The following PARD3B variants were observed in gnomAD, a reference collection of about 807,000 sequenced individuals.
The protein encoded by PARD3B is partitioning defective 3 homolog B.
Under a neutral mutation model 130.2 loss-of-function variants are expected in PARD3B, and 103 were observed. That is an observed-to-expected ratio of 0.79 (90% confidence interval 0.67 to 0.93). The LOEUF (loss-of-function observed/expected upper bound fraction) is 0.93, where lower values mean the gene tolerates loss of function less well. Ranked by LOEUF, PARD3B falls within the 40% of genes least tolerant of loss-of-function variation. PARD3B has a pLI of 0.00. For synonymous variants in PARD3B, 583 were observed against 553.2 expected (o/e 1.05, Z -0.76); for missense variants, 1,609 against 1,499.2 (o/e 1.07, Z -1.21).
At chr2:204,797,011 C>G (rs545110192) in intron 2 of PARD3B, among the ~76,000 whole-genome samples, 3 of 151,878 alleles carry the variant, frequency 2.0e-5, no homozygotes, top group African/African-American at 7.2e-5. Flanking sequence ...CTCGCCTCTA[C>G]TAAAAATACA....
At chr2:205,204,993 A>G (rs1309753827) in intron 15 of PARD3B, among the ~76,000 whole-genome samples, 2 of 152,102 alleles carry the variant, frequency 1.3e-5, no homozygotes, top group Admixed American at 6.6e-5. Context: ...AAGAAAGTCA[A>G]TGGTAGCTTG....
At chr2:204,921,824 A>C (rs2047691636) in intron 2 of PARD3B, among the ~76,000 whole-genome samples, 1 of 152,134 alleles carries the variant, frequency 6.6e-6, no homozygotes, top group South Asian at 2.1e-4. Flanking sequence ...CTATTGCAAT[A>C]AGTCAGATAA....
intron 2 of PARD3B, among the ~76,000 whole-genome samples, chr2:204,929,975 G>A (rs1172404309): frequency 6.6e-6 from 1 of 151,822 alleles, no homozygotes; most frequent in Non-Finnish European, 1.5e-5. Flanking sequence ...CTATTTACTT[G>A]TAGTCTAAGT....
chr2:205,528,524 G>A (rs577595676), intron 21 of PARD3B, among the ~76,000 whole-genome samples: 6 of 149,064 alleles, frequency 4.0e-5, no homozygotes, highest in Non-Finnish European at 8.9e-5. Context: ...ACAGAGTCTT[G>A]CTCTGTTGCC....
intron 20 of PARD3B, among the ~76,000 whole-genome samples, chr2:205,493,389 G>A (rs1364003044): frequency 1.3e-5 from 2 of 152,080 alleles, no homozygotes; most frequent in Non-Finnish European, 2.9e-5. Context: ...AGGGTACCAA[G>A]GTGTTTTTCT....
At chr2:205,346,818 A>G (rs1354043859) in intron 18 of PARD3B, among the ~76,000 whole-genome samples, 3 of 152,154 alleles carry the variant, frequency 2.0e-5, no homozygotes, top group Non-Finnish European at 4.4e-5. Context: ...AGGAATGACT[A>G]TGTGTTGATG....
At chr2:205,424,311 A>T (rs1007166317) in intron 19 of PARD3B, among the ~76,000 whole-genome samples, 1 of 152,092 alleles carries the variant, frequency 6.6e-6, no homozygotes, top group African/African-American at 2.4e-5. Flanking sequence ...AGGTATAGTC[A>T]TGGTTCTATA....
At chr2:204,639,858 G>A (rs1389939597) in intron 1 of PARD3B, among the ~76,000 whole-genome samples, 3 of 152,152 alleles carry the variant, frequency 2.0e-5, no homozygotes, top group Non-Finnish European at 2.9e-5. Context: ...GCTTGGTGAT[G>A]TATTCCCTGA....
At chr2:205,028,531 G>A (rs1697194209) in intron 3 of PARD3B, among the ~76,000 whole-genome samples, 1 of 152,074 alleles carries the variant, frequency 6.6e-6, no homozygotes, top group Non-Finnish European at 1.5e-5. Flanking sequence ...GTTAACAGGA[G>A]CAGACTCATA....
At chr2:205,001,199 G>A (rs1329054479) in intron 3 of PARD3B, among the ~76,000 whole-genome samples, 4 of 152,076 alleles carry the variant, frequency 2.6e-5, no homozygotes, top group African/African-American at 9.7e-5. Flanking sequence ...ATGTTGGCCA[G>A]GCTGGTCTCG....
In PARD3B at chr2:204,998,338, ATATATATATATATATATATATGTG is replaced by A. The variant is rs1390742336; in HGVS notation, c.394+33017_394+33040del. On this transcript the variant is annotated intron_variant, in intron 3 of 22. Coordinates refer to ENST00000406610, the MANE Select transcript of PARD3B (RefSeq NM_001302769.2). ...TATATATATATATATATATATATAT[ATATATATATATATATATATATGTG>A]TGTGTGTGTGTGTATATATGTGTGT... is the stretch of plus-strand genomic sequence containing the variant. 3.1e-4 allele frequency among the ~76,000 whole-genome samples: 22 copies of A among 70,988 alleles called. 1 individual carries two copies. Among genetic ancestry groups the A allele is most frequent in the African/African-American group, 1.1e-3 (16 of 14,812 alleles). 46.6% of individuals were successfully genotyped at this position (70,988 alleles called of 152,430 possible). A position where few individuals can be genotyped will look rare whatever the true frequency, so the allele number is the denominator to read the frequency against.
chr2:205,040,835 G>C (rs919339399), intron 3 of PARD3B, among the ~76,000 whole-genome samples: 1 of 151,196 alleles, frequency 6.6e-6, no homozygotes, highest in Non-Finnish European at 1.5e-5. Flanking sequence ...TCTTCAAACT[G>C]TCCAACTGTT....
intron 4 of PARD3B, among the ~76,000 whole-genome samples, chr2:205,085,033 C>A (rs979664840): frequency 6.6e-6 from 1 of 151,940 alleles, no homozygotes; most frequent in African/African-American, 2.4e-5. Context: ...TAGTAGCTGG[C>A]AGTTATTGAG....
chr2:204,599,402 A>AT (rs1356053619), intron 1 of PARD3B, among the ~76,000 whole-genome samples: 1 of 151,738 alleles, frequency 6.6e-6, no homozygotes, highest in African/African-American at 2.4e-5. Flanking sequence ...TGAGATCACC[A>AT]TTTTTTAGCT....
intron 21 of PARD3B, among the ~76,000 whole-genome samples, chr2:205,511,683 AAAAT>A (rs1336177736): frequency 2.0e-5 from 3 of 152,242 alleles, no homozygotes; most frequent in Non-Finnish European, 4.4e-5. Flanking sequence ...TAAATGTTCT[AAAAT>A]AAACTTTGGG....
intron 21 of PARD3B, among the ~76,000 whole-genome samples, chr2:205,529,213 G>C (rs2051473154): frequency 6.6e-6 from 1 of 152,152 alleles, no homozygotes; most frequent in African/African-American, 2.4e-5. Flanking sequence ...GAAAATAGCT[G>C]ACAGCATTGT....
chr2:205,428,583 C>G (rs2047223724), intron 19 of PARD3B, among the ~76,000 whole-genome samples: 2 of 151,924 alleles, frequency 1.3e-5, no homozygotes, highest in Non-Finnish European at 2.9e-5. Flanking sequence ...GGCTTCCAGT[C>G]TATTTTATTA....
At chr2:205,464,339 C>T (rs58528910) in intron 20 of PARD3B, among the ~76,000 whole-genome samples, 2,499 of 152,206 alleles carry the variant, frequency 0.016, 66 homozygotes, top group African/African-American at 0.056. Context: ...GACTAGGAAA[C>T]GCTCTTTTTA....
At chr2:204,899,994 T>C (rs184777074) in intron 2 of PARD3B, among the ~76,000 whole-genome samples, 3 of 152,260 alleles carry the variant, frequency 2.0e-5, no homozygotes, top group African/African-American at 7.2e-5. Flanking sequence ...CTATTGGACT[T>C]CGTTTGTGTA....
Sources: gnomAD v4.1 joint callset for allele counts (sites outside exome capture counted in the v4.1 genomes callset) on GRCh38, gnomAD v4.1.1 for gene constraint, MANE v1.5 for transcripts, NCBI Gene and HGNC (gene_info 2026-07-23, HGNC 2026-07-21) for gene names.